The following DPAGT1 variants were observed in gnomAD, a reference collection of about 807,000 sequenced individuals.
DPAGT1 encodes UDP-N-acetylglucosamine--dolichyl-phosphate N-acetylglucosaminephosphotransferase.
In DPAGT1, 25 loss-of-function variants were observed where a neutral mutation model predicts 39.3. The observed-to-expected ratio is 0.64, with a 90% CI of 0.46 to 0.89. DPAGT1 has a LOEUF of 0.89. Among genes scored for constraint, DPAGT1 ranks in the 40% least tolerant of loss-of-function variants. DPAGT1 has a pLI of 0.00. For synonymous variants in DPAGT1, 193 were observed against 201.4 expected, an observed-to-expected ratio of 0.96 and a Z score of 0.36; for missense variants, 381 against 500.6, an observed-to-expected ratio of 0.76 and a Z score of 2.28.
downstream of DPAGT1, among the ~76,000 whole-genome samples, chr11:119,095,662 A>C (rs1028407937): frequency 6.6e-6 from 1 of 152,058 alleles, no homozygotes; most frequent in Non-Finnish European, 1.5e-5. Flanking sequence ...GGCGAGGAGG[A>C]GGGGTAGCAC....
At position 119,097,065 on chromosome 11, in the gene DPAGT1, T is replaced by C. The variant is rs775878331; in HGVS notation, c.1162-2A>G. The C allele has an allele frequency of 1.2e-6, 2 of 1,614,186 alleles. No homozygotes were observed. Among genetic ancestry groups the C allele is most frequent in the South Asian group, 2.2e-5 (2 of 91,080 alleles). ...GAAGGTGATGGCACTGCCCAGGATC[T>C]GCAAGGAGAAATGGACTGGAGTAAG... is the stretch of plus-strand genomic sequence containing the variant. On this transcript the variant is annotated splice_acceptor_variant, in intron 8 of 8. Coordinates refer to ENST00000354202, the MANE Select transcript of DPAGT1 (RefSeq NM_001382.4). LOFTEE classifies it high-confidence loss of function. This position sits in a 1 kb window ranked among gnomAD's most constrained non-coding sequence, Gnocchi z 4.6.
chr11:119,099,803 A>G (rs914215240), intron 4 of DPAGT1, among the ~76,000 whole-genome samples: 2 of 150,540 alleles, frequency 1.3e-5, no homozygotes, highest in African/African-American at 2.4e-5. Flanking sequence ...AAAAAAAAAA[A>G]AAAGAAGTGG....
At chr11:119,094,818 G>T, downstream of DPAGT1, 2 of 828,262 alleles carry the variant, frequency 2.4e-6, no homozygotes, top group Non-Finnish European at 3.6e-6. Flanking sequence ...AGGCGGGCGA[G>T]GGGAGGGGAG....
chr11:119,100,656 G>C lies in DPAGT1; in HGVS notation c.470C>G (p.Pro157Arg). The change falls in exon 3 of 9, where the codon CCG (proline) becomes CGG (arginine). Residue 157 changes from proline (P) to arginine (R), a missense_variant. Transcript: ENST00000354202. ...CAAGTCCAGATGCAGGCCAAGTATC[G>C]GGCGGAAGGGCTTGGGCACCACAAT... ...TTIVVPKPFR[P>R]ILGLHLDLGI... 6.2e-7 allele frequency: 1 copy of C among 1,614,076 alleles called. No homozygotes were observed.
At chr11:119,095,014 C>A, downstream of DPAGT1, 1 of 1,613,100 alleles carries the variant, frequency 6.2e-7, no homozygotes, top group Admixed American at 1.7e-5. Context: ...AGGGCGCCTT[C>A]GGCCCCACGG....
intron 5 of DPAGT1, 145 bp from the exon 6 acceptor site, chr11:119,098,188 C>A: frequency 8.2e-7 from 1 of 1,217,384 alleles, no homozygotes; most frequent in Non-Finnish European, 1.2e-6. Flanking sequence ...CTGCAGGATC[C>A]AAGGCCCTGA....
At chr11:119,094,218 GA>G (rs1946353358), downstream of DPAGT1, 1 of 152,718 alleles carries the variant, frequency 6.5e-6, no homozygotes, top group Admixed American at 6.5e-5. Flanking sequence ...TCGGGAGGAA[GA>G]TGTGCCTGTT....
downstream of DPAGT1, chr11:119,094,866 A>G: frequency 1.6e-6 from 2 of 1,279,410 alleles, no homozygotes; most frequent in Non-Finnish European, 2.1e-6. Context: ...CGCAGTCTGA[A>G]GCGGCTCAGC....
Position 119,097,079 on chromosome 11 carries a change from G to T in DPAGT1, c.1162-16C>A. 6.2e-7 allele frequency: 1 copy of T among 1,614,192 alleles called. No homozygotes were observed. The highest frequency in any genetic ancestry group is 8.5e-7 in the Non-Finnish European group (1 of 1,180,032). Reference sequence around the variant, plus strand: ...TGCCCAGGATCTGCAAGGAGAAATGGACTGGAGTAAGAATCACGCAGAAAG... The same window carrying T: ...TGCCCAGGATCTGCAAGGAGAAATGTACTGGAGTAAGAATCACGCAGAAAG... On this transcript the variant is annotated splice_polypyrimidine_tract_variant and intron_variant, in intron 8 of 8. Coordinates refer to ENST00000354202, the MANE Select transcript of DPAGT1 (RefSeq NM_001382.4). This position sits in a 1 kb window ranked among gnomAD's most constrained non-coding sequence, Gnocchi z 4.6.
At position 119,096,981 on chromosome 11, in the gene DPAGT1, G is replaced by T; in HGVS notation, c.*17C>A. ...GAATCCTAGAGACTGTGAGGTAAAGGACAATGATCAAGGGACTCAGACATC... is the reference window on the plus strand; with the variant it reads ...GAATCCTAGAGACTGTGAGGTAAAGTACAATGATCAAGGGACTCAGACATC... On this transcript the variant is annotated 3_prime_UTR_variant, in exon 9 of 9. Coordinates refer to ENST00000354202, the MANE Select transcript of DPAGT1 (RefSeq NM_001382.4). 1 of 1,613,960 alleles carries T rather than the reference G, an allele frequency of 6.2e-7. No homozygotes were observed. Among genetic ancestry groups the T allele is most frequent in the East Asian group, 2.2e-5 (1 of 44,878 alleles).
Position 119,096,776 on chromosome 11 carries a change from T to G in DPAGT1, c.*222A>C, listed in dbSNP as rs1259660284. 2 of 611,488 alleles carry G rather than the reference T, an allele frequency of 3.3e-6. No homozygotes were observed. The highest frequency in any genetic ancestry group is 5.8e-6 in the Non-Finnish European group (2 of 346,900). The allele number at this position is 611,488 out of a possible 1,614,324, so 37.9% of individuals were successfully genotyped here. On this transcript the variant is annotated 3_prime_UTR_variant, in exon 9 of 9. Coordinates refer to ENST00000354202, the MANE Select transcript of DPAGT1 (RefSeq NM_001382.4). ...GGATGGAGAGGGAGAGAGTAGCAAG[T>G]TGCAGAAAGCCATAGGTAAAATCCA...
chr11:119,095,131 G>A (rs371487025), downstream of DPAGT1: 51 of 1,613,936 alleles, frequency 3.2e-5, no homozygotes, highest in Admixed American at 6.7e-5. Context: ...CGTCGTTGCG[G>A]ATGGCCAGCT....
Position 119,097,482 on chromosome 11 carries a change from C to T in DPAGT1, c.987G>A (p.Leu329=). The T allele has an allele frequency of 6.2e-7, 1 of 1,614,130 alleles. No homozygotes were observed. Among genetic ancestry groups the T allele is most frequent in the Non-Finnish European group, 8.5e-7 (1 of 1,180,022 alleles). The change falls in exon 7 of 9, where the codon TTG becomes TTA. Residue 329 remains leucine, a synonymous_variant. Transcript: ENST00000354202. The surrounding 1 kb of genome is among the most constrained non-coding windows in gnomAD (Gnocchi z 4.6). ...SKFKTKSLSF[L]GTFILKVAES... ...CTGTTACCTTTAAAATAAAGGTGCC[C>T]AAGAAAGAGAGGCTCTTGGTCTTGA...
At chr11:119,094,128 C>G (rs1592222824), downstream of DPAGT1, 1 of 152,882 alleles carries the variant, frequency 6.5e-6, no homozygotes, top group East Asian at 1.9e-4. Context: ...GAAAACGACT[C>G]TTGCTGTCCA....
rs1248302607 is a variant in DPAGT1, at chr11:119,097,084, G to C, written c.1162-21C>G. On this transcript the variant is annotated intron_variant, in intron 8 of 8. Transcript: ENST00000354202. This position sits in a 1 kb window ranked among gnomAD's most constrained non-coding sequence, Gnocchi z 4.6. ...AGGATCTGCAAGGAGAAATGGACTG[G>C]AGTAAGAATCACGCAGAAAGGGAGA... is the stretch of plus-strand genomic sequence containing the variant. The C allele has an allele frequency of 2.5e-6, 4 of 1,614,098 alleles. No homozygotes were observed. The highest frequency in any genetic ancestry group is 3.4e-6 in the Non-Finnish European group (4 of 1,180,050).
At chr11:119,101,393 C>A in intron 1 of DPAGT1, 102 bp downstream of exon 1, 1 of 1,602,906 alleles carries the variant, frequency 6.2e-7, no homozygotes, top group Non-Finnish European at 8.5e-7. Context: ...TGGGTTAGTT[C>A]TGAGTCTTCA....
downstream of DPAGT1, chr11:119,094,835 G>A (rs1565760656): frequency 9.8e-7 from 1 of 1,018,134 alleles, no homozygotes; most frequent in Non-Finnish European, 1.4e-6. Flanking sequence ...GGAGGGGAAG[G>A]GAGCCGCGGC....
downstream of DPAGT1, chr11:119,095,442 G>A (rs28990978): frequency 1.1e-4 from 153 of 1,452,978 alleles, no homozygotes; most frequent in African/African-American, 1.7e-3. Context: ...CACTAGAACA[G>A]ACGCCCGCCG....
intron 2 of DPAGT1, 74 bp from the exon 3 acceptor site, chr11:119,100,917 G>T: frequency 1.9e-6 from 3 of 1,613,636 alleles, no homozygotes; most frequent in Non-Finnish European, 2.5e-6. Flanking sequence ...TGTCTTTTCT[G>T]ATAATTTCTT....
Sources: allele counts gnomAD v4.1 joint callset (sites outside exome capture counted in the v4.1 genomes callset), GRCh38; gene constraint gnomAD v4.1.1; non-coding constraint Gnocchi (gnomAD v3.1); transcripts MANE v1.5; gene names NCBI Gene and HGNC (gene_info 2026-07-23, HGNC 2026-07-21).